Variants in SNAPC3 observed in about 807,000 individuals in gnomAD.
The protein encoded by SNAPC3 is snRNA-activating protein complex subunit 3.
In SNAPC3, 56 loss-of-function variants were observed where a neutral mutation model predicts 47.7. That is an observed-to-expected ratio of 1.18 (90% CI 0.95 to 1.47). The LOEUF is 1.47. SNAPC3 is among the 40% of genes most tolerant of loss of function. The pLI, the probability that SNAPC3 is intolerant of heterozygous loss-of-function variation, is 0.00. For synonymous variants in SNAPC3, 235 were observed against 189.9 expected, an observed-to-expected ratio of 1.24 and a Z score of -1.95; for missense variants, 665 against 511.3, an observed-to-expected ratio of 1.30 and a Z score of -2.90.
chr9:15,426,825 T>C (rs2031466260), intron 2 of SNAPC3, among the ~76,000 whole-genome samples: 1 of 152,212 alleles, frequency 6.6e-6, no homozygotes, highest in Non-Finnish European at 1.5e-5. Context: ...TATAATCTAA[T>C]GTAAATCAGT....
intron 8 of SNAPC3, 107 bp downstream of exon 8, chr9:15,458,174 T>C: frequency 1.7e-6 from 1 of 601,622 alleles, no homozygotes; most frequent in Non-Finnish European, 2.8e-6. Context: ...AGGTTATAAA[T>C]ATGAAGTATC....
At chr9:15,442,494 C>A (rs1189239749) in intron 3 of SNAPC3, among the ~76,000 whole-genome samples, 1 of 137,700 alleles carries the variant, frequency 7.3e-6, no homozygotes, top group African/African-American at 2.6e-5. Flanking sequence ...ACTTCTCAGA[C>A]CGGGCGGCTG....
intron 2 of SNAPC3, among the ~76,000 whole-genome samples, chr9:15,428,226 A>C (rs1193877746): frequency 6.6e-6 from 1 of 152,124 alleles, no homozygotes; most frequent in East Asian, 1.9e-4. Flanking sequence ...ACTGTGCCCC[A>C]GATGTTACAA....
At chr9:15,456,262 G>A (rs1465263080) in intron 7 of SNAPC3, among the ~76,000 whole-genome samples, 1 of 150,264 alleles carries the variant, frequency 6.7e-6, no homozygotes, top group Admixed American at 6.6e-5. Flanking sequence ...CGCCCATGTC[G>A]GCCTCCCAAA....
At chr9:15,447,053 C>G (rs2033985907) in intron 4 of SNAPC3, 42 bp from the exon 5 acceptor site, 3 of 1,566,602 alleles carry the variant, frequency 1.9e-6, no homozygotes, top group Non-Finnish European at 2.6e-6. Flanking sequence ...AGTTTTATCG[C>G]TTTGTCTCTA....
chr9:15,445,086 C>G (rs564231243), intron 4 of SNAPC3, among the ~76,000 whole-genome samples: 1 of 152,126 alleles, frequency 6.6e-6, no homozygotes, highest in East Asian at 1.9e-4. Context: ...AGCGTGAGAC[C>G]CTGTCTAATA....
intron 7 of SNAPC3, 164 bp downstream of exon 7, chr9:15,453,369 C>T: frequency 1.9e-6 from 1 of 532,950 alleles, no homozygotes; most frequent in Non-Finnish European, 3.3e-6. Flanking sequence ...CAAATACCAA[C>T]TCTTTCCATC....
In SNAPC3 at chr9:15,439,229, T is replaced by A. The variant is rs1462489320; in HGVS notation, c.478-5373T>A. Among the ~76,000 whole-genome samples the A allele has an allele frequency of 2.6e-5, 4 of 152,362 alleles. No individual in the cohort carries two copies. The East Asian group carries it at 5.8e-4, about 22-fold the overall frequency. On this transcript the variant is annotated intron_variant, in intron 3 of 8. Coordinates refer to ENST00000380821, the MANE Select transcript of SNAPC3 (RefSeq NM_001039697.2). ...TTTTGCCGTGTTGCCCAGGCTGGTC[T>A]TGAACTCTTGGACTCAAGCAATCTG...
rs1230807499 is a variant in SNAPC3, at chr9:15,459,950, G to C, written c.*84G>C. 7.8e-7 allele frequency: 1 copy of C among 1,278,130 alleles called. No individual in the cohort carries two copies. The highest frequency in any genetic ancestry group is 1.1e-6 in the Non-Finnish European group (1 of 915,928). The allele number at this position is 1,278,130 out of a possible 1,614,324, so 79.2% of individuals were successfully genotyped here. A position where few individuals can be genotyped will look rare whatever the true frequency, so the allele number is the denominator to read the frequency against. On this transcript the variant is annotated 3_prime_UTR_variant, in exon 9 of 9. Transcript: ENST00000380821. ...CCTTATTTCTAAGAAACGCCACTGA[G>C]GAACAGGATCCACTTTGAACAGTCC...
chr9:15,436,331 C>T (rs1013962189), intron 3 of SNAPC3, among the ~76,000 whole-genome samples: 1 of 152,152 alleles, frequency 6.6e-6, no homozygotes, highest in African/African-American at 2.4e-5. Flanking sequence ...ATAAGTTTGT[C>T]TTTGATCCAC....
intron 1 of SNAPC3, among the ~76,000 whole-genome samples, chr9:15,423,594 C>T (rs1233632245): frequency 6.6e-6 from 1 of 152,190 alleles, no homozygotes; most frequent in Non-Finnish European, 1.5e-5. Flanking sequence ...AAAACCCCGA[C>T]TAACTGGTTT....
intron 1 of SNAPC3, 51 bp downstream of exon 1, chr9:15,423,244 G>C: frequency 6.7e-7 from 1 of 1,493,288 alleles, no homozygotes; most frequent in African/African-American, 1.4e-5. Flanking sequence ...ACAGGGTGCA[G>C]CCTTGCTCGT....
In SNAPC3 at chr9:15,432,569, A is replaced by G. The variant is rs575336992; in HGVS notation, c.393-983A>G. ...TTTTAAAAAGGAGAGGACTTGCTGA[A>G]AGAACGGGAGCTCCTAATGATAAAG... On this transcript the variant is annotated intron_variant, in intron 2 of 8. Transcript: ENST00000380821. Among the ~76,000 whole-genome samples the G allele has an allele frequency of 1.6e-3, 244 of 152,304 alleles. 1 individual carries two copies. Among genetic ancestry groups the G allele is most frequent in the Middle Eastern group, 6.8e-3 (2 of 294 alleles).
intron 4 of SNAPC3, among the ~76,000 whole-genome samples, 178 bp from the exon 5 acceptor site, chr9:15,446,917 C>A (rs1021201859): frequency 3.9e-5 from 6 of 152,042 alleles, no homozygotes; most frequent in African/African-American, 1.4e-4. Context: ...GAGATGTAAA[C>A]AATTTTGACC....
chr9:15,446,108 C>T (rs2033908983), intron 4 of SNAPC3, among the ~76,000 whole-genome samples: 1 of 152,136 alleles, frequency 6.6e-6, no homozygotes, highest in South Asian at 2.1e-4. Flanking sequence ...AGTTACATTC[C>T]AGTGGATCTT....
rs774250113 is a variant in SNAPC3 at position 15,459,867 on chromosome 9, G to A, written c.*1G>A. 3.1e-6 allele frequency: 5 copies of A among 1,607,020 alleles called. No individual in the cohort carries two copies. In the Admixed American group the frequency reaches 8.4e-5, roughly 27 times the overall value. On this transcript the variant is annotated 3_prime_UTR_variant, in exon 9 of 9. Coordinates refer to ENST00000380821, the MANE Select transcript of SNAPC3 (RefSeq NM_001039697.2). ...TGTTGATCCTGGAACCTTTAATTAA[G>A]AATAGCTACACTCACAAAAATACCC...
intron 7 of SNAPC3, among the ~76,000 whole-genome samples, chr9:15,457,318 G>C (rs1036446207): frequency 6.6e-6 from 1 of 152,184 alleles, no homozygotes; most frequent in Non-Finnish European, 1.5e-5. Context: ...ATGTTAGCCA[G>C]GTGTCGTGGC....
chr9:15,430,013 A>C (rs1310394502), intron 2 of SNAPC3, among the ~76,000 whole-genome samples: 2 of 152,244 alleles, frequency 1.3e-5, no homozygotes, highest in African/African-American at 4.8e-5. Context: ...TTTTTAATTT[A>C]TATCTTATGG....
downstream of SNAPC3, chr9:15,463,966 C>T (rs556559285): frequency 6.7e-4 from 110 of 165,384 alleles, no homozygotes; most frequent in African/African-American, 2.2e-3. Context: ...AACAGCACAA[C>T]CTCTGTGACC....
Sources: allele counts gnomAD v4.1 joint callset (sites outside exome capture counted in the v4.1 genomes callset), GRCh38; gene constraint gnomAD v4.1.1; transcripts MANE v1.5; gene names NCBI Gene and HGNC (gene_info 2026-07-23, HGNC 2026-07-21).